The following ZMYND11 variants were observed in gnomAD, a reference collection of about 807,000 sequenced individuals.
ZMYND11 encodes the protein zinc finger MYND domain-containing protein 11.
A neutral mutation model predicts 84.9 loss-of-function variants in ZMYND11; 9 were observed. That is an observed-to-expected ratio of 0.11 (90% CI 0.06 to 0.18). ZMYND11 has a LOEUF of 0.18. ZMYND11 is among the 10% of genes least tolerant of loss of function. The pLI, the probability that ZMYND11 is intolerant of heterozygous loss-of-function variation, is 1.00. For missense variants in ZMYND11, 409 were observed against 761.0 expected (o/e 0.54, Z 5.44); for synonymous variants, 250 against 244.1 (o/e 1.02, Z -0.23).
At chr10:157,485 C>T (rs956340414) in intron 1 of ZMYND11, among the ~76,000 whole-genome samples, 1 of 152,178 alleles carries the variant, frequency 6.6e-6, no homozygotes, top group African/African-American at 2.4e-5. Flanking sequence ...CAGGCATGAG[C>T]CGTTGCGCCT....
intron 1 of ZMYND11, among the ~76,000 whole-genome samples, chr10:154,031 A>G (rs534294084): frequency 2.0e-5 from 3 of 151,632 alleles, no homozygotes; most frequent in East Asian, 1.9e-4. Context: ...TTTGGCTTTC[A>G]GCTTCACAAC....
At chr10:190,607 A>G (rs1285276752) in intron 2 of ZMYND11, among the ~76,000 whole-genome samples, 1 of 152,170 alleles carries the variant, frequency 6.6e-6, no homozygotes, top group Non-Finnish European at 1.5e-5. Flanking sequence ...TTTCCTCATT[A>G]TTGATAAAGT....
At chr10:191,541 T>G (rs1432794918) in intron 2 of ZMYND11, among the ~76,000 whole-genome samples, 3 of 152,210 alleles carry the variant, frequency 2.0e-5, no homozygotes, top group Non-Finnish European at 4.4e-5. Flanking sequence ...CAGGATGTAT[T>G]CTGAAAAGTT....
Position 252,548 on chromosome 10 carries a change from G to A in ZMYND11, c.*78G>A. 2 of 1,517,734 alleles carry A rather than the reference G, an allele frequency of 1.3e-6. No homozygotes were observed. Among genetic ancestry groups the A allele is most frequent in the Non-Finnish European group, 1.8e-6 (2 of 1,136,768 alleles). The allele number at this position is 1,517,734 out of a possible 1,614,324, so 94.0% of individuals were successfully genotyped here. On this transcript the variant is annotated 3_prime_UTR_variant, in exon 15 of 15. Coordinates refer to ENST00000381604, the MANE Select transcript of ZMYND11 (RefSeq NM_001370100.5). The surrounding 1 kb of genome is among the most constrained non-coding windows in gnomAD (Gnocchi z 4.6). ...TTTTTGTTTCCAAGAAGCCAAAATTGTTTAGAATTTGCTTCCCATTTTGCA... is the reference window on the plus strand; with the variant it reads ...TTTTTGTTTCCAAGAAGCCAAAATTATTTAGAATTTGCTTCCCATTTTGCA...
intron 14 of ZMYND11, chr10:249,831 CAT>C (rs1952987068): frequency 2.2e-6 from 2 of 904,230 alleles, no homozygotes; most frequent in Non-Finnish European, 2.6e-6. Flanking sequence ...TATAAATACA[CAT>C]AAGCTTTTCA....
chr10:164,549 AAAAG>A (rs1290362405), intron 1 of ZMYND11, among the ~76,000 whole-genome samples: 2 of 152,202 alleles, frequency 1.3e-5, no homozygotes, highest in African/African-American at 4.8e-5. Context: ...AGTATAAAGA[AAAAG>A]AAAGCATAGC....
In ZMYND11 at chr10:213,515, G is replaced by T. The variant is rs543101800; in HGVS notation, c.276+3467G>T. ...GAAGGGAAGGCATAGGATGTTTTTG[G>T]TTATCTATTTTTAAACGTTTAAGTC... On this transcript the variant is annotated intron_variant, in intron 3 of 14. Coordinates refer to ENST00000381604, the MANE Select transcript of ZMYND11 (RefSeq NM_001370100.5). Among the ~76,000 whole-genome samples, 4 of 152,236 alleles carry T rather than the reference G, an allele frequency of 2.6e-5. No homozygotes were observed. In the East Asian group the frequency reaches 7.7e-4, roughly 29 times the overall value.
chr10:139,065 C>T (rs553545572), intron 1 of ZMYND11, among the ~76,000 whole-genome samples: 2 of 152,138 alleles, frequency 1.3e-5, no homozygotes, highest in East Asian at 3.9e-4. Flanking sequence ...CTTGGCTTCC[C>T]AAAGCGCTGG....
chr10:191,327 A>AT (rs1225954197), intron 2 of ZMYND11, among the ~76,000 whole-genome samples: 4 of 152,194 alleles, frequency 2.6e-5, no homozygotes, highest in African/African-American at 9.6e-5. Context: ...TCCTTCCGGC[A>AT]TTTTTTAATG....
chr10:183,589 T>C (rs1162647630), intron 2 of ZMYND11, among the ~76,000 whole-genome samples: 1 of 152,248 alleles, frequency 6.6e-6, no homozygotes, highest in Non-Finnish European at 1.5e-5. Context: ...TCCTCTGCTA[T>C]TTGGTTACCA....
chr10:204,041 C>T (rs1258636759), intron 2 of ZMYND11, among the ~76,000 whole-genome samples: 1 of 152,098 alleles, frequency 6.6e-6, no homozygotes, highest in Non-Finnish European at 1.5e-5. Flanking sequence ...TTGTTTCTTG[C>T]TGCCAGCAAT....
chr10:175,091 A>G (rs1331123672), intron 1 of ZMYND11, among the ~76,000 whole-genome samples: 1 of 152,154 alleles, frequency 6.6e-6, no homozygotes, highest in Non-Finnish European at 1.5e-5. Context: ...CCTAATGTAT[A>G]CTGTGGACCT....
chr10:237,520 A>G, intron 5 of ZMYND11, 65 bp from the exon 6 acceptor site: 1 of 965,336 alleles, frequency 1.0e-6, no homozygotes, highest in South Asian at 1.6e-5. Context: ...TTTGAGCTTT[A>G]GGAATTGATG....
chr10:159,786 T>G (rs1842571302), intron 1 of ZMYND11, among the ~76,000 whole-genome samples: 1 of 152,222 alleles, frequency 6.6e-6, no homozygotes, highest in Non-Finnish European at 1.5e-5. Context: ...TTTGCTTGTT[T>G]GTTTCTACTC....
intron 1 of ZMYND11, among the ~76,000 whole-genome samples, chr10:176,275 TA>T (rs1846600355): frequency 1.3e-5 from 2 of 151,968 alleles, no homozygotes; most frequent in South Asian, 4.2e-4. Context: ...TGCTACTTTT[TA>T]TTTTTTTTTT....
At chr10:158,423 T>C (rs4623822) in intron 1 of ZMYND11, among the ~76,000 whole-genome samples, 60 of 147,754 alleles carry the variant, frequency 4.1e-4, no homozygotes, top group Middle Eastern at 3.4e-3. Context: ...TTTTTTTTTT[T>C]TTTTTTTTAT....
intron 1 of ZMYND11, among the ~76,000 whole-genome samples, chr10:175,988 CTTG>C (rs1409655268): frequency 1.3e-5 from 2 of 152,194 alleles, no homozygotes; most frequent in African/African-American, 4.8e-5. Flanking sequence ...CTCAACTGTT[CTTG>C]TTAACTATTG....
chr10:198,394 AAAG>A (rs1942309074), intron 2 of ZMYND11, among the ~76,000 whole-genome samples: 1 of 152,176 alleles, frequency 6.6e-6, no homozygotes, highest in Non-Finnish European at 1.5e-5. Context: ...TTTTAAAAAA[AAAG>A]TATAATACCT....
At chr10:140,710 T>G (rs1250066893) in intron 1 of ZMYND11, among the ~76,000 whole-genome samples, 1 of 152,248 alleles carries the variant, frequency 6.6e-6, no homozygotes, top group Non-Finnish European at 1.5e-5. Flanking sequence ...ATAATTAAAG[T>G]GCTGGGTAAA....
Sources: gnomAD v4.1 joint callset for allele counts (sites outside exome capture counted in the v4.1 genomes callset) on GRCh38, gnomAD v4.1.1 for gene constraint, Gnocchi (gnomAD v3.1) non-coding constraint, MANE v1.5 for transcripts, NCBI Gene and HGNC (gene_info 2026-07-23, HGNC 2026-07-21) for gene names.